Variants in WLS observed in about 807,000 individuals in gnomAD.
The protein encoded by WLS is Wnt ligand secretion mediator.
A neutral mutation model predicts 62.8 loss-of-function variants in WLS; 23 were observed. The ratio of observed to expected loss-of-function variants is 0.37; its 90% CI spans 0.26 to 0.52. The LOEUF is 0.52. Ranked by LOEUF, WLS falls within the 20% of genes least tolerant of loss-of-function variation. The pLI, the probability that WLS is intolerant of heterozygous loss-of-function variation, is 0.92. For missense variants in WLS, 615 were observed against 697.3 expected, an observed-to-expected ratio of 0.88 and a Z score of 1.33; for synonymous variants, 246 against 244.1, an observed-to-expected ratio of 1.01 and a Z score of -0.07.
At chr1:68,100,972 CT>C (rs1266270194) in intron 11 of WLS, among the ~76,000 whole-genome samples, 5 of 152,182 alleles carry the variant, frequency 3.3e-5, no homozygotes, top group African/African-American at 1.2e-4. Flanking sequence ...TTATTGCCCC[CT>C]GTAACCTGCT....
Position 68,146,061 on chromosome 1 carries a change from A to G in WLS, c.1135-49T>C, listed in dbSNP as rs774470400. ...CAACGGGCTAGCCAAGGCCAAGTTG[A>G]GCCGGGTCCAGGCCCTTCTCCCCAG... On this transcript the variant is annotated intron_variant, in intron 8 of 11. Transcript: ENST00000262348. 2.9e-5 allele frequency: 46 copies of G among 1,602,260 alleles called. 1 individual carries two copies. The South Asian group carries it at 4.7e-4, about 16-fold the overall frequency.
Position 68,218,347 on chromosome 1 carries a change from G to C in WLS, c.106+13847C>G, listed in dbSNP as rs1571030089. Among the ~76,000 whole-genome samples the C allele has an allele frequency of 2.0e-5, 3 of 152,028 alleles. No homozygotes were observed. In the South Asian group the frequency reaches 6.2e-4, roughly 32 times the overall value. The stretch of plus-strand genomic sequence containing the variant: ...CAAAAATACCTACTTCCAGTCACAG[G>C]CTTTTAAATTCAAACAAGAAATCGT... On this transcript the variant is annotated intron_variant, in intron 1 of 11. Coordinates refer to ENST00000262348, the MANE Select transcript of WLS (RefSeq NM_024911.7).
At chr1:68,165,476 C>T (rs1222224469) in intron 2 of WLS, among the ~76,000 whole-genome samples, 1 of 152,182 alleles carries the variant, frequency 6.6e-6, no homozygotes, top group Non-Finnish European at 1.5e-5. Context: ...TCTTATCTTA[C>T]TTCCAAGGTC....
chr1:68,195,904 T>C lies in WLS; in HGVS notation c.107-1677A>G, dbSNP rs189823411. 3.1e-4 allele frequency among the ~76,000 whole-genome samples: 47 copies of C among 152,162 alleles called. No homozygotes were observed. In the East Asian group the frequency reaches 8.5e-3, roughly 27 times the overall value. ...TTTTATTTCTTAAATATTTAAATTATAGTTGATTGAACAGACCCTCCCTTT... is the reference window on the plus strand; with the variant it reads ...TTTTATTTCTTAAATATTTAAATTACAGTTGATTGAACAGACCCTCCCTTT... On this transcript the variant is annotated intron_variant, in intron 1 of 11. Transcript: ENST00000262348.
intron 1 of WLS, among the ~76,000 whole-genome samples, chr1:68,225,609 T>G (rs1650110349): frequency 6.6e-6 from 1 of 152,226 alleles, no homozygotes; most frequent in Non-Finnish European, 1.5e-5. Context: ...ATGTACCTAT[T>G]CCTGCTGTCA....
rs974665843 is a variant in WLS, at chr1:68,120,054, A to G, written c.1510+17726T>C. 5.3e-5 allele frequency among the ~76,000 whole-genome samples: 8 copies of G among 152,038 alleles called. No homozygotes were observed. In the East Asian group the frequency reaches 5.8e-4, roughly 11 times the overall value. On this transcript the variant is annotated intron_variant, in intron 11 of 11. Transcript: ENST00000354777. ...AGATGATAAATGAAATTAATAAACCACCCCTGTGATGCCAGCACATGGCTC... is the reference window on the plus strand; with the variant it reads ...AGATGATAAATGAAATTAATAAACCGCCCCTGTGATGCCAGCACATGGCTC...
chr1:68,232,488 G>A lies in WLS; in HGVS notation c.-189C>T, dbSNP rs1650477275. 8.0e-7 allele frequency: 1 copy of A among 1,256,344 alleles called. No individual in the cohort carries two copies. The highest frequency in any genetic ancestry group is 3.4e-5 in the Admixed American group (1 of 29,502). The allele number at this position is 1,256,344 out of a possible 1,614,324, so 77.8% of individuals were successfully genotyped here. ...CCGCACGGATTCCCCCGGCGCAGCC[G>A]GCTCGGGTTCCCCCAATGCCCGGAG... On this transcript the variant is annotated 5_prime_UTR_variant, in exon 1 of 12. Transcript: ENST00000262348.
At chr1:68,219,087 AT>A (rs1198632283) in intron 1 of WLS, among the ~76,000 whole-genome samples, 1 of 152,222 alleles carries the variant, frequency 6.6e-6, no homozygotes. Flanking sequence ...AAATCTCAAA[AT>A]TTGCATTACA....
chr1:68,220,991 AG>A (rs1302210011), intron 1 of WLS, among the ~76,000 whole-genome samples: 4 of 152,200 alleles, frequency 2.6e-5, no homozygotes, highest in Non-Finnish European at 5.9e-5. Flanking sequence ...GGGGGAGGGA[AG>A]GAAGGTATTG....
In WLS at chr1:68,232,312, C is replaced by T; in HGVS notation, c.-13G>A. On this transcript the variant is annotated 5_prime_UTR_variant, in exon 1 of 12. Coordinates refer to ENST00000262348, the MANE Select transcript of WLS (RefSeq NM_024911.7). ...TTGCCCCAGCCATTTTTGCGCCCCCCCTTTTTCTTTTCTCCTTGAAATAAA... is the reference window on the plus strand; with the variant it reads ...TTGCCCCAGCCATTTTTGCGCCCCCTCTTTTTCTTTTCTCCTTGAAATAAA... 6.2e-7 allele frequency: 1 copy of T among 1,613,224 alleles called. No homozygotes were observed. The highest frequency in any genetic ancestry group is 1.1e-5 in the South Asian group (1 of 90,904).
intron 10 of WLS, among the ~76,000 whole-genome samples, chr1:68,143,096 A>T (rs1042121366): frequency 6.6e-6 from 1 of 152,108 alleles, no homozygotes; most frequent in African/African-American, 2.4e-5. Flanking sequence ...ATTCCCCTTG[A>T]AATTCGAAGT....
chr1:68,130,347 T>TGCCC (rs1646500535), intron 11 of WLS, among the ~76,000 whole-genome samples: 1 of 152,166 alleles, frequency 6.6e-6, no homozygotes, highest in Non-Finnish European at 1.5e-5. Flanking sequence ...AACACCCCAC[T>TGCCC]GCCCAAGTGT....
chr1:68,117,004 A>G (rs1570815297), intron 11 of WLS, among the ~76,000 whole-genome samples: 1 of 152,288 alleles, frequency 6.6e-6, no homozygotes, highest in Middle Eastern at 3.4e-3. Context: ...GCAGGTTAGA[A>G]TGATTGTCAG....
chr1:68,135,252 C>T (rs1646589964), intron 11 of WLS, among the ~76,000 whole-genome samples: 1 of 150,470 alleles, frequency 6.6e-6, no homozygotes, highest in Non-Finnish European at 1.5e-5. Context: ...AGGGATCCTT[C>T]TGCCTCAGCC....
downstream of WLS, among the ~76,000 whole-genome samples, chr1:68,123,420 G>C (rs1646387235): frequency 6.6e-6 from 1 of 151,030 alleles, no homozygotes; most frequent in Admixed American, 6.6e-5. Flanking sequence ...GGCCATGTCT[G>C]GCTCACCACT....
At chr1:68,202,294 A>G (rs1557517543) in intron 1 of WLS, 1 of 152,240 alleles carries the variant, frequency 6.6e-6, no homozygotes, top group East Asian at 1.9e-4. Flanking sequence ...TAAAATGCAC[A>G]TAAAGGGCCC....
intron 7 of WLS, 135 bp from the exon 8 acceptor site, chr1:68,148,334 C>T: frequency 2.1e-6 from 2 of 948,374 alleles, no homozygotes; most frequent in Non-Finnish European, 3.2e-6. Flanking sequence ...TACAGAAATC[C>T]TAAAGAGAAA....
intron 1 of WLS, among the ~76,000 whole-genome samples, chr1:68,223,679 G>A (rs1186697731): frequency 6.6e-6 from 1 of 152,216 alleles, no homozygotes; most frequent in African/African-American, 2.4e-5. Flanking sequence ...AGATTCCAGT[G>A]ATATTTTATG....
chr1:68,201,943 G>T (rs1257910736), intron 1 of WLS: 1 of 152,162 alleles, frequency 6.6e-6, no homozygotes, highest in Non-Finnish European at 1.5e-5. Flanking sequence ...CAAAAATATT[G>T]AAAATATCAT....
Sources: allele counts gnomAD v4.1 joint callset (sites outside exome capture counted in the v4.1 genomes callset), GRCh38; gene constraint gnomAD v4.1.1; transcripts MANE v1.5; gene names NCBI Gene and HGNC (gene_info 2026-07-23, HGNC 2026-07-21).